The following IK variants were observed in gnomAD, a reference collection of about 807,000 sequenced individuals.
IK encodes the protein protein Red.
IK carries 47 observed loss-of-function variants against 90.9 expected under a neutral mutation model. The ratio of observed to expected loss-of-function variants is 0.52; its 90% CI spans 0.41 to 0.66. The LOEUF (loss-of-function observed/expected upper bound fraction) is 0.66, where lower values mean the gene tolerates loss of function less well. Among genes scored for constraint, IK ranks in the 30% least tolerant of loss-of-function variants. The pLI, the probability that IK is intolerant of heterozygous loss-of-function variation, is 0.00. For missense variants in IK, 385 were observed against 709.3 expected, an observed-to-expected ratio of 0.54 and a Z score of 5.19; for synonymous variants, 201 against 227.5, an observed-to-expected ratio of 0.88 and a Z score of 1.05.
intron 4 of IK, 84 bp from the exon 5 acceptor site, chr5:140,652,891 GAT>G (rs754201308): frequency 1.6e-5 from 20 of 1,247,774 alleles, no homozygotes; most frequent in Non-Finnish European, 2.2e-5. Context: ...GTAGGTTGGA[GAT>G]GTAGGGAAGC....
rs190024283 is a variant in IK at position 140,659,323 on chromosome 5, C to T, written c.1185C>T (p.Asp395=). Residue 395 remains aspartate, a synonymous_variant, in exon 13 of 20, where the codon GAC becomes GAT. Coordinates refer to ENST00000417647, the MANE Select transcript of IK (RefSeq NM_006083.4). The part of the protein sequence containing the change: ...EKPKVDDEPM[D]VDKGPGSTKE... ...TTTTGTGTTCTTTCCAGCCCATGGACGTTGACAAAGGTGAGTTGTACACAC... is the reference window on the plus strand; with the variant it reads ...TTTTGTGTTCTTTCCAGCCCATGGATGTTGACAAAGGTGAGTTGTACACAC... 5.9e-5 allele frequency: 95 copies of T among 1,613,936 alleles called. No homozygotes were observed. In the Middle Eastern group the frequency reaches 8.2e-4, roughly 14 times the overall value.
chr5:140,650,372 C>T (rs1273477492), intron 2 of IK, among the ~76,000 whole-genome samples: 1 of 152,090 alleles, frequency 6.6e-6, no homozygotes, highest in Non-Finnish European at 1.5e-5. Flanking sequence ...AAACTGAGGT[C>T]AGCAGGCCAA....
At position 140,658,937 on chromosome 5, in the gene IK, A is replaced by C; in HGVS notation, c.951-2A>C. On this transcript the variant is annotated splice_acceptor_variant, in intron 11 of 19. Coordinates refer to ENST00000417647, the MANE Select transcript of IK (RefSeq NM_006083.4). LOFTEE classifies it high-confidence loss of function. Reference sequence around the variant, plus strand: ...GCCAGCTAGTGATCTCCATTTTCCCAGTATTTTTGAAGACATTGGGGATTA... The same window carrying C: ...GCCAGCTAGTGATCTCCATTTTCCCCGTATTTTTGAAGACATTGGGGATTA... 6.2e-7 allele frequency: 1 copy of C among 1,613,884 alleles called. No individual in the cohort carries two copies.
At chr5:140,653,488 G>A (rs1354511438) in intron 5 of IK, among the ~76,000 whole-genome samples, 29 of 148,822 alleles carry the variant, frequency 1.9e-4, no homozygotes, top group African/African-American at 6.4e-4. Flanking sequence ...GGGTTTCACC[G>A]TGTTAGCCAG....
In IK at chr5:140,661,988, A is replaced by C; in HGVS notation, c.1592A>C (p.Gln531Pro). 6.2e-7 allele frequency: 1 copy of C among 1,608,798 alleles called. No individual in the cohort carries two copies. The highest frequency in any genetic ancestry group is 8.5e-7 in the Non-Finnish European group (1 of 1,177,464). Reference protein sequence around the residue: ...ETNDKAELDRQWKKISAIIEK... With the variant: ...ETNDKAELDRPWKKISAIIEK... ...AATGACAAAGCAGAGCTTGATCGCCAGTGGAAGAAGATTAGTGCAGTAAGT... is the reference window on the plus strand; with the variant it reads ...AATGACAAAGCAGAGCTTGATCGCCCGTGGAAGAAGATTAGTGCAGTAAGT... Residue 531 changes from glutamine (Q) to proline (P), a missense_variant, in exon 18 of 20, where the codon CAG becomes CCG. Gln to Pro is a moderately conservative substitution (Grantham distance 76). Coordinates refer to ENST00000417647, the MANE Select transcript of IK (RefSeq NM_006083.4). This position sits in a 1 kb window ranked among gnomAD's most constrained non-coding sequence, Gnocchi z 4.2.
Position 140,659,830 on chromosome 5 carries a change from G to A in IK, c.1270G>A (p.Glu424Lys). 2 of 1,588,782 alleles carry A rather than the reference G, an allele frequency of 1.3e-6. No homozygotes were observed. The highest frequency in any genetic ancestry group is 1.7e-6 in the Non-Finnish European group (2 of 1,165,880). Residue 424 changes from glutamate (E) to lysine (K), a missense_variant, in exon 14 of 20, where the codon GAA becomes AAA. This residue lies in a region of IK where 139 missense variants were observed against 172.0 expected (regional missense o/e 0.81). Coordinates refer to ENST00000417647, the MANE Select transcript of IK (RefSeq NM_006083.4). ...FAGSAGWEGT[E>K]SLKKPEDKKQ... The stretch of plus-strand genomic sequence containing the variant: ...TGGGTCTGCTGGCTGGGAAGGCACA[G>A]AATCATATCCTTTATTTTAATACGT...
At position 140,655,874 on chromosome 5, in the gene IK, G is replaced by C. The variant is rs772004082; in HGVS notation, c.683G>C (p.Arg228Pro). The change falls in exon 9 of 20, where the codon CGG (arginine) becomes CCG (proline). Residue 228 changes from arginine (R) to proline (P), a missense_variant. Coordinates refer to ENST00000417647, the MANE Select transcript of IK (RefSeq NM_006083.4). ...CTTTTTAAGAGCAAAGCATATGAGC[G>C]GAATGAGTTGTTCCTGCCGGGCCGC... ...RMLFKSKAYERNELFLPGRMA... is the reference protein window; with the variant it reads ...RMLFKSKAYEPNELFLPGRMA... 4 of 1,607,924 alleles carry C rather than the reference G, an allele frequency of 2.5e-6. No homozygotes were observed. The highest frequency in any genetic ancestry group is 3.4e-6 in the Non-Finnish European group (4 of 1,177,012).
At position 140,653,091 on chromosome 5, in the gene IK, C is replaced by T. The variant is rs750421122; in HGVS notation, c.351C>T (p.Thr117=). The T allele has an allele frequency of 4.3e-6, 7 of 1,613,742 alleles. No individual in the cohort carries two copies. Among genetic ancestry groups the T allele is most frequent in the East Asian group, 4.5e-5 (2 of 44,896 alleles). The change falls in exon 5 of 20, where the codon ACC becomes ACT. Residue 117 remains threonine (T), a synonymous_variant. Transcript: ENST00000417647. ...RDGVNKDYEE[T]ELISTTANYR... is the part of the protein sequence containing the mutation. ...GAGTGAACAAAGATTATGAAGAAAC[C>T]GAGCTTATCAGCACCACAGCTAACT...
intron 11 of IK, 62 bp from the exon 12 acceptor site, chr5:140,658,877 T>TTGA: frequency 6.2e-7 from 1 of 1,603,414 alleles, no homozygotes; most frequent in South Asian, 1.1e-5. Flanking sequence ...TCTGGAGAAA[T>TTGA]GGTCAGGGGG....
At chr5:140,650,227 A>G (rs1478281612) in intron 2 of IK, among the ~76,000 whole-genome samples, 2 of 152,190 alleles carry the variant, frequency 1.3e-5, no homozygotes, top group African/African-American at 2.4e-5. Context: ...CTCTATTACA[A>G]TGGTCTTGAC....
intron 2 of IK, among the ~76,000 whole-genome samples, chr5:140,651,183 G>A (rs918610051): frequency 6.6e-6 from 1 of 152,134 alleles, no homozygotes; most frequent in Non-Finnish European, 1.5e-5. Flanking sequence ...CGGGCGTGGT[G>A]GCTTACACCT....
chr5:140,661,908 C>T lies in IK; in HGVS notation c.1512C>T (p.Phe504=), dbSNP rs1467181890. The part of the protein sequence containing the change: ...NNKEALPKAA[F]QYGIKMSEGR... ...CAACTGCTTTTTTCAGGGCTGCATT[C>T]CAGTATGGTATCAAAATGTCTGAAG... Residue 504 remains phenylalanine, a synonymous_variant, in exon 18 of 20, where the codon TTC becomes TTT. Coordinates refer to ENST00000417647, the MANE Select transcript of IK (RefSeq NM_006083.4). This position sits in a 1 kb window ranked among gnomAD's most constrained non-coding sequence, Gnocchi z 4.2. 6 of 1,608,430 alleles carry T rather than the reference C, an allele frequency of 3.7e-6. No individual in the cohort carries two copies. The South Asian group carries it at 6.7e-5, about 18-fold the overall frequency.
intron 5 of IK, 59 bp downstream of exon 5, chr5:140,653,203 A>T: frequency 6.9e-7 from 1 of 1,442,656 alleles, no homozygotes; most frequent in Non-Finnish European, 9.6e-7. Flanking sequence ...TGCAAATACA[A>T]TGTGAACTCT....
chr5:140,658,547 T>C (rs1275989398), intron 10 of IK, among the ~76,000 whole-genome samples, 190 bp from the exon 11 acceptor site: 2 of 151,960 alleles, frequency 1.3e-5, no homozygotes, highest in East Asian at 3.9e-4. Flanking sequence ...CTCAAACTCC[T>C]GACCTCAAGT....
chr5:140,651,757 C>A lies in IK; in HGVS notation c.127C>A (p.Pro43Thr). 6.2e-7 allele frequency: 1 copy of A among 1,613,192 alleles called. No individual in the cohort carries two copies. The highest frequency in any genetic ancestry group is 1.1e-5 in the South Asian group (1 of 91,060). The change falls in exon 3 of 20, where the codon CCC becomes ACC. Residue 43 changes from proline to threonine, a missense_variant. This residue lies in a region of IK where 64 missense variants were observed against 144.6 expected (regional missense o/e 0.44). Transcript: ENST00000417647. Reference protein sequence around the residue: ...NEDFRKLLMTPRAAPTSAPPS... With the variant: ...NEDFRKLLMTTRAAPTSAPPS... ...AGACTTCAGGAAACTTCTCATGACC[C>A]CCAGGGCTGCACCTACCTCTGCACC...
intron 1 of IK, chr5:140,648,248 G>T: frequency 1.4e-6 from 1 of 704,866 alleles, no homozygotes; most frequent in South Asian, 1.5e-5. Context: ...TTTTAGACGT[G>T]ATCTTCCGGA....
chr5:140,649,272 A>G (rs1757568821), intron 2 of IK, among the ~76,000 whole-genome samples: 1 of 137,840 alleles, frequency 7.3e-6, no homozygotes, highest in Non-Finnish European at 1.5e-5. Context: ...GCAGTGATGC[A>G]ATCTTGGCTC....
chr5:140,654,653 C>CAA, intron 7 of IK, 28 bp from the exon 8 acceptor site: 1 of 1,589,178 alleles, frequency 6.3e-7, no homozygotes, highest in Admixed American at 1.8e-5. Context: ...GCACATTTAG[C>CAA]AAAAATAAAA....
In IK at chr5:140,654,733, T is replaced by C; in HGVS notation, c.637+6T>C. ...TGAATTTAAAACACGTCTGGGTGAGTACAGTTTCTATACTAGTGACTATGC... is the reference window on the plus strand; with the variant it reads ...TGAATTTAAAACACGTCTGGGTGAGCACAGTTTCTATACTAGTGACTATGC... On this transcript the variant is annotated splice_donor_region_variant and intron_variant, in intron 8 of 19. Transcript: ENST00000417647. The C allele has an allele frequency of 1.3e-6, 2 of 1,569,746 alleles. No individual in the cohort carries two copies. Among genetic ancestry groups the C allele is most frequent in the Non-Finnish European group, 1.7e-6 (2 of 1,142,920 alleles).
Sources: allele counts gnomAD v4.1 joint callset (sites outside exome capture counted in the v4.1 genomes callset), GRCh38; gene constraint gnomAD v4.1.1; regional missense constraint gnomAD v4.1.1; non-coding constraint Gnocchi (gnomAD v3.1); transcripts MANE v1.5; gene names NCBI Gene and HGNC (gene_info 2026-07-23, HGNC 2026-07-21).